The following CFAP90 variants were observed in gnomAD, a reference collection of about 807,000 sequenced individuals.
CFAP90 encodes cilia and flagella associated protein 90.
chr5:7,850,808 CCGCCCA>C, the CFAP90 span: 2 of 856,756 alleles, frequency 2.3e-6, no homozygotes, highest in Non-Finnish European at 1.5e-6. Flanking sequence ...AGCCGCCCAG[CCGCCCA>C]GCCGCCCAGC....
chr5:7,830,686 A>G, the CFAP90 span: 1 of 152,210 alleles, frequency 6.6e-6, no homozygotes, highest in South Asian at 2.1e-4. Flanking sequence ...TCCTTTTTCC[A>G]TATTCAAAAC....
chr5:7,843,258 T>C, the CFAP90 span, among the ~76,000 whole-genome samples: 2 of 152,226 alleles, frequency 1.3e-5, no homozygotes, highest in Non-Finnish European at 2.9e-5. Context: ...ACATTTTTAT[T>C]CATTTTAACA....
At chr5:7,850,165 G>T in the CFAP90 span, among the ~76,000 whole-genome samples, 2 of 152,104 alleles carry the variant, frequency 1.3e-5, no homozygotes, top group Non-Finnish European at 1.5e-5. Context: ...CGTCCCAGGG[G>T]TTCAGCTGAC....
At chr5:7,839,966 T>A in the CFAP90 span, among the ~76,000 whole-genome samples, 1 of 152,272 alleles carries the variant, frequency 6.6e-6, no homozygotes, top group Admixed American at 6.5e-5. Context: ...TAATTATTAA[T>A]CTTTCTTTTT....
At chr5:7,844,105 G>A in the CFAP90 span, among the ~76,000 whole-genome samples, 1 of 152,118 alleles carries the variant, frequency 6.6e-6, no homozygotes, top group Non-Finnish European at 1.5e-5. Context: ...GGGAAACTGG[G>A]CCTTGGGCTC....
the CFAP90 span, chr5:7,850,982 G>T: frequency 7.7e-7 from 1 of 1,301,802 alleles, no homozygotes; most frequent in East Asian, 2.9e-5. Flanking sequence ...GGCTTGCCCC[G>T]CAGCGTGGAC....
chr5:7,850,371 C>G, the CFAP90 span, among the ~76,000 whole-genome samples: 1 of 151,756 alleles, frequency 6.6e-6, no homozygotes, highest in East Asian at 2.0e-4. Flanking sequence ...GGTCCCTGCC[C>G]GAAGGTGCGC....
chr5:7,844,260 A>G, the CFAP90 span, among the ~76,000 whole-genome samples: 1 of 152,244 alleles, frequency 6.6e-6, no homozygotes, highest in African/African-American at 2.4e-5. Context: ...ACTATAGCCC[A>G]CTGCCATTGA....
chr5:7,850,826 GCCCAGCCGCCCAGC>G, the CFAP90 span: 1 of 729,484 alleles, frequency 1.4e-6, no homozygotes, highest in African/African-American at 2.7e-5. Flanking sequence ...CCGCCCAGCC[GCCCAGCCGCCCAGC>G]CTTCCGGTCT....
At chr5:7,850,981 C>A in the CFAP90 span, 1 of 1,304,068 alleles carries the variant, frequency 7.7e-7, no homozygotes, top group African/African-American at 1.5e-5. Flanking sequence ...GGGCTTGCCC[C>A]GCAGCGTGGA....
At chr5:7,835,843 C>A in the CFAP90 span, among the ~76,000 whole-genome samples, 1 of 152,154 alleles carries the variant, frequency 6.6e-6, no homozygotes, top group Non-Finnish European at 1.5e-5. Flanking sequence ...AAAAATGTGT[C>A]CTAGTCCATT....
the CFAP90 span, chr5:7,835,476 T>C: frequency 1.3e-6 from 2 of 1,584,792 alleles, no homozygotes; most frequent in Non-Finnish European, 1.7e-6. Context: ...AAAAATACAA[T>C]CATAGAGGGA....
At chr5:7,851,001 C>T in the CFAP90 span, 8 of 1,280,942 alleles carry the variant, frequency 6.2e-6, no homozygotes, top group South Asian at 8.7e-5. Flanking sequence ...ACGCGGTGGT[C>T]TCCTCCTCGT....
chr5:7,848,017 C>T, the CFAP90 span, among the ~76,000 whole-genome samples: 1 of 152,214 alleles, frequency 6.6e-6, no homozygotes, highest in African/African-American at 2.4e-5. Flanking sequence ...CACAAAAACA[C>T]TCCTTATTTT....
the CFAP90 span, among the ~76,000 whole-genome samples, chr5:7,840,775 C>G: frequency 6.6e-6 from 1 of 152,122 alleles, no homozygotes; most frequent in East Asian, 1.9e-4. Context: ...ATGGTGAGGT[C>G]ATACTGGAGT....
At chr5:7,838,666 T>C in the CFAP90 span, among the ~76,000 whole-genome samples, 1 of 152,242 alleles carries the variant, frequency 6.6e-6, no homozygotes, top group African/African-American at 2.4e-5. Context: ...AGCCAGGCTC[T>C]TGCTCATCAT....
the CFAP90 span, among the ~76,000 whole-genome samples, chr5:7,839,145 A>T: frequency 1.3e-5 from 2 of 152,090 alleles, no homozygotes; most frequent in Non-Finnish European, 2.9e-5. Flanking sequence ...ATCTCATGAG[A>T]CTCATTCACT....
the CFAP90 span, among the ~76,000 whole-genome samples, chr5:7,848,861 C>T: frequency 6.6e-6 from 1 of 152,160 alleles, no homozygotes; most frequent in Admixed American, 6.5e-5. Flanking sequence ...TTTACATCTC[C>T]TTCTGCCATG....
At chr5:7,849,487 G>A in the CFAP90 span, among the ~76,000 whole-genome samples, 2 of 152,260 alleles carry the variant, frequency 1.3e-5, no homozygotes, top group African/African-American at 2.4e-5. Context: ...TCCCAGTTAC[G>A]CCTGCAGGCT....
Sources: allele counts gnomAD v4.1 joint callset (sites outside exome capture counted in the v4.1 genomes callset), GRCh38; gene constraint gnomAD v4.1.1; transcripts MANE v1.5; gene names NCBI Gene and HGNC (gene_info 2026-07-23, HGNC 2026-07-21).